The following SLC24A3 variants were observed in gnomAD, a reference collection of about 807,000 sequenced individuals.
SLC24A3 encodes solute carrier family 24 member 3.
Under a neutral mutation model 75.8 loss-of-function variants are expected in SLC24A3, and 28 were observed. The ratio of observed to expected loss-of-function variants is 0.37; its 90% CI spans 0.27 to 0.51. The LOEUF (loss-of-function observed/expected upper bound fraction) is 0.51, where lower values mean the gene tolerates loss of function less well. Ranked by LOEUF, SLC24A3 falls within the 20% of genes least tolerant of loss-of-function variation. The pLI is 0.94. For missense variants in SLC24A3, 663 were observed against 847.8 expected, an observed-to-expected ratio of 0.78 and a Z score of 2.71; for synonymous variants, 372 against 334.1, an observed-to-expected ratio of 1.11 and a Z score of -1.24.
chr20:19,310,977 A>G (rs1454780407), intron 2 of SLC24A3, among the ~76,000 whole-genome samples: 1 of 151,806 alleles, frequency 6.6e-6, no homozygotes, highest in Non-Finnish European at 1.5e-5. Context: ...TTCCCCCTCT[A>G]TGTAATCTTC....
At chr20:19,577,672 T>C (rs2031160238) in intron 3 of SLC24A3, among the ~76,000 whole-genome samples, 1 of 152,196 alleles carries the variant, frequency 6.6e-6, no homozygotes, top group Admixed American at 6.5e-5. Flanking sequence ...TATGCAAATA[T>C]ATAATATGTG....
At chr20:19,213,421 G>T (rs1038345222) in intron 1 of SLC24A3, 1 of 152,660 alleles carries the variant, frequency 6.6e-6, no homozygotes. Flanking sequence ...ACACACAGTT[G>T]TCCGTATGTT....
Position 19,698,608 on chromosome 20 carries a change from C to A in SLC24A3, c.1647C>A (p.Asn549Lys). Residue 549 changes from asparagine (N) to lysine (K), a missense_variant, in exon 15 of 17, where the codon AAC becomes AAA. Around this residue, in one of 2 missense-constraint regions of SLC24A3, gnomAD observed 510 missense variants for 703.6 expected, o/e 0.72. Coordinates refer to ENST00000328041, the MANE Select transcript of SLC24A3 (RefSeq NM_020689.4). ...DMAVSNSIGS[N>K]VFDILIGLGL... ...CTGTGTCCAACTCCATTGGGAGCAA[C>A]GTGTTTGACATCCTGATTGGCCTCG... 1 of 1,595,346 alleles carries A rather than the reference C, an allele frequency of 6.3e-7. No individual in the cohort carries two copies.
intron 1 of SLC24A3, among the ~76,000 whole-genome samples, chr20:19,274,642 A>G (rs527963308): frequency 9.4e-4 from 143 of 152,200 alleles, no homozygotes; most frequent in Admixed American, 8.9e-3. Flanking sequence ...AGAAAAATCT[A>G]CCTGTACGAA....
chr20:19,513,510 C>T (rs940693156), intron 2 of SLC24A3, among the ~76,000 whole-genome samples: 2 of 152,174 alleles, frequency 1.3e-5, no homozygotes, highest in African/African-American at 2.4e-5. Context: ...ATTTCCAGAT[C>T]GTGGCTTCAT....
intron 2 of SLC24A3, among the ~76,000 whole-genome samples, chr20:19,499,242 ATATGTAC>A (rs1988348526): frequency 6.6e-6 from 1 of 152,248 alleles, no homozygotes; most frequent in South Asian, 2.1e-4. Flanking sequence ...ATACATATAC[ATATGTAC>A]TATCTTAGTT....
At chr20:19,354,169 A>G (rs1985630505) in intron 2 of SLC24A3, among the ~76,000 whole-genome samples, 1 of 152,250 alleles carries the variant, frequency 6.6e-6, no homozygotes, top group Admixed American at 6.5e-5. Context: ...GACCTCACAG[A>G]CATCATACTA....
intron 2 of SLC24A3, among the ~76,000 whole-genome samples, chr20:19,373,031 A>G (rs1986017655): frequency 6.7e-6 from 1 of 149,594 alleles, no homozygotes; most frequent in South Asian, 2.1e-4. Flanking sequence ...AAAGAGAAAT[A>G]AAGAAAGAAA....
chr20:19,434,839 A>C (rs1987169514), intron 2 of SLC24A3, among the ~76,000 whole-genome samples: 2 of 152,068 alleles, frequency 1.3e-5, no homozygotes, highest in African/African-American at 4.8e-5. Flanking sequence ...GTGACTGCTA[A>C]CCTGAAGGGA....
intron 2 of SLC24A3, among the ~76,000 whole-genome samples, chr20:19,504,996 G>C (rs534501746): frequency 6.6e-6 from 1 of 152,342 alleles, no homozygotes; most frequent in African/African-American, 2.4e-5. Flanking sequence ...CAGCACTGAT[G>C]CCATGGTTTT....
At chr20:19,502,154 A>G (rs1988394145) in intron 2 of SLC24A3, among the ~76,000 whole-genome samples, 2 of 151,948 alleles carry the variant, frequency 1.3e-5, no homozygotes, top group South Asian at 4.2e-4. Context: ...CATATGGGGG[A>G]TAGAGCTCAG....
intron 2 of SLC24A3, among the ~76,000 whole-genome samples, chr20:19,322,972 C>T (rs547545638): frequency 1.2e-4 from 18 of 152,008 alleles, no homozygotes; most frequent in East Asian, 9.7e-4. Flanking sequence ...TTTGGGAGGC[C>T]GAGGCGGGCG....
At chr20:19,275,387 C>G (rs1226808500) in intron 1 of SLC24A3, among the ~76,000 whole-genome samples, 1 of 152,196 alleles carries the variant, frequency 6.6e-6, no homozygotes, top group Non-Finnish European at 1.5e-5. Context: ...GATGATGCAG[C>G]AAACTTCCTC....
At chr20:19,229,282 GT>G (rs1981951201) in intron 1 of SLC24A3, among the ~76,000 whole-genome samples, 1 of 151,670 alleles carries the variant, frequency 6.6e-6, no homozygotes, top group African/African-American at 2.4e-5. Flanking sequence ...TTATCAATTT[GT>G]GAAAATTTGT....
intron 3 of SLC24A3, among the ~76,000 whole-genome samples, chr20:19,566,339 T>C (rs2030957122): frequency 6.6e-6 from 1 of 152,248 alleles, no homozygotes. Context: ...GAGTCAAAGA[T>C]GGTCCTCCAC....
rs549731758 is a variant in SLC24A3, at chr20:19,536,640, A to G, written c.348+21076A>G. On this transcript the variant is annotated intron_variant, in intron 3 of 16. Coordinates refer to ENST00000328041, the MANE Select transcript of SLC24A3 (RefSeq NM_020689.4). ...ACTTCAAACTATACTACAAGGCTGCAGTAACCAAAACAGCATGGGACTGGT... is the reference window on the plus strand; with the variant it reads ...ACTTCAAACTATACTACAAGGCTGCGGTAACCAAAACAGCATGGGACTGGT... Among the ~76,000 whole-genome samples the G allele has an allele frequency of 1.6e-4, 25 of 152,372 alleles. No homozygotes were observed. The South Asian group carries it at 5.0e-3, about 30-fold the overall frequency.
chr20:19,710,177 T>C (rs572656927), intron 15 of SLC24A3, among the ~76,000 whole-genome samples: 99 of 152,342 alleles, frequency 6.5e-4, no homozygotes, highest in Admixed American at 1.0e-3. Flanking sequence ...AGGGGCTTCT[T>C]ATTTTTCCTA....
intron 13 of SLC24A3, among the ~76,000 whole-genome samples, chr20:19,695,262 G>A (rs2032791273): frequency 6.6e-6 from 1 of 152,176 alleles, no homozygotes. Context: ...GGCTGGCCCA[G>A]GAGGAACTGT....
chr20:19,424,297 G>A (rs1408942341), intron 2 of SLC24A3, among the ~76,000 whole-genome samples: 1 of 151,982 alleles, frequency 6.6e-6, no homozygotes, highest in Non-Finnish European at 1.5e-5. Flanking sequence ...TCTACACATG[G>A]ATTCCCAACT....
Sources: gnomAD v4.1 joint callset for allele counts (sites outside exome capture counted in the v4.1 genomes callset) on GRCh38, gnomAD v4.1.1 for gene constraint, gnomAD v4.1.1 regional missense constraint, MANE v1.5 for transcripts, NCBI Gene and HGNC (gene_info 2026-07-23, HGNC 2026-07-21) for gene names.